The following CHRM3 variants were observed in gnomAD, a reference collection of about 807,000 sequenced individuals.
CHRM3 encodes the protein cholinergic receptor muscarinic 3.
In CHRM3, 11 loss-of-function variants were observed where a neutral mutation model predicts 41.8. The ratio of observed to expected loss-of-function variants is 0.26; its 90% CI spans 0.17 to 0.44. The LOEUF (loss-of-function observed/expected upper bound fraction) is 0.44. Ranked by LOEUF, CHRM3 falls within the 20% of genes least tolerant of loss-of-function variation. The probability of loss-of-function intolerance (pLI) is 1.00; values close to 1 mark genes in which losing one functional copy is unlikely to be tolerated. For synonymous variants in CHRM3, 297 were observed against 301.4 expected (o/e 0.99, Z 0.15); for missense variants, 571 against 745.4 (o/e 0.77, Z 2.72).
At chr1:239,779,485 A>G (rs1422731913) in intron 5 of CHRM3, among the ~76,000 whole-genome samples, 3 of 152,214 alleles carry the variant, frequency 2.0e-5, no homozygotes, top group Non-Finnish European at 4.4e-5. Flanking sequence ...TTTAATCCCA[A>G]CACTTCGGGA....
intron 6 of CHRM3, among the ~76,000 whole-genome samples, chr1:239,905,561 C>A (rs1679904663): frequency 6.6e-6 from 1 of 151,976 alleles, no homozygotes; most frequent in African/African-American, 2.4e-5. Context: ...CAAAAATTAG[C>A]CAGGCAAGGT....
Position 239,529,630 on chromosome 1 carries a change from AAC to A in CHRM3, c.-421-16009_-421-16008del, listed in dbSNP as rs1467760519. Among the ~76,000 whole-genome samples, 194 of 45,508 alleles carry A rather than the reference AAC, an allele frequency of 4.3e-3. 3 individuals carry two copies. The highest frequency in any genetic ancestry group is 9.9e-3 in the African/African-American group (182 of 18,450). 29.9% of individuals were successfully genotyped at this position (45,508 alleles called of 152,430 possible). ...GTCTCAAAAAAAAAAAAAAAAAAAA[AAC>A]AAACAAACAACAACAATAACAACAA... On this transcript the variant is annotated intron_variant, in intron 2 of 6. Coordinates refer to ENST00000676153, the MANE Select transcript of CHRM3 (RefSeq NM_001375978.1).
At chr1:239,556,255 ATGTAAAAATCAATGCTTAATACACACG>A (rs780084846) in intron 3 of CHRM3, among the ~76,000 whole-genome samples, 1 of 152,156 alleles carries the variant, frequency 6.6e-6, no homozygotes, top group Non-Finnish European at 1.5e-5. Context: ...CTTGCCATTG[ATGTAAAAATCAATGCTTAATACACACG>A]TGAGCCACAG....
chr1:239,508,003 A>C (rs1020003505), intron 2 of CHRM3, among the ~76,000 whole-genome samples: 32 of 152,232 alleles, frequency 2.1e-4, no homozygotes, highest in African/African-American at 7.7e-4. Context: ...AGAGCTATGG[A>C]GCCTGAGGCA....
chr1:239,408,534 A>AC lies in CHRM3; in HGVS notation c.-521+21307_-521+21308insC, dbSNP rs1553294738. 1.0e-3 allele frequency among the ~76,000 whole-genome samples: 155 copies of AC among 150,628 alleles called. 1 individual carries two copies. Among genetic ancestry groups the AC allele is most frequent in the Middle Eastern group, 3.4e-3 (1 of 294 alleles). On this transcript the variant is annotated intron_variant, in intron 1 of 6. Transcript: ENST00000676153. ...GAGAGACTCCGTCAAAAAAAAAAAAAAAAAAAAAAACTCTCTCCTTTATAA... is the reference window on the plus strand; with the variant it reads ...GAGAGACTCCGTCAAAAAAAAAAAAACAAAAAAAAAACTCTCTCCTTTATAA...
intron 3 of CHRM3, among the ~76,000 whole-genome samples, chr1:239,605,460 C>T (rs924027566): frequency 6.6e-6 from 1 of 152,016 alleles, no homozygotes; most frequent in African/African-American, 2.4e-5. Flanking sequence ...TACAATGTTC[C>T]CATAAAGAGG....
intron 2 of CHRM3, among the ~76,000 whole-genome samples, chr1:239,535,238 G>T (rs140485022): frequency 6.6e-6 from 1 of 152,184 alleles, no homozygotes; most frequent in African/African-American, 2.4e-5. Context: ...GCCCACACTG[G>T]CCCAGAATCC....
At chr1:239,669,833 A>G (rs930670055) in intron 4 of CHRM3, among the ~76,000 whole-genome samples, 8 of 152,182 alleles carry the variant, frequency 5.3e-5, no homozygotes, top group Admixed American at 3.9e-4. Context: ...ACTATAATCA[A>G]CCCACTATAC....
At chr1:239,743,168 A>G (rs1665010826) in intron 5 of CHRM3, among the ~76,000 whole-genome samples, 2 of 152,256 alleles carry the variant, frequency 1.3e-5, no homozygotes, top group South Asian at 4.1e-4. Flanking sequence ...ACTTAAACCC[A>G]AAATTGAAAT....
chr1:239,428,695 T>C (rs1339465953), intron 1 of CHRM3, among the ~76,000 whole-genome samples: 1 of 152,226 alleles, frequency 6.6e-6, no homozygotes, highest in Non-Finnish European at 1.5e-5. Context: ...GTTTGTTTTT[T>C]CCCATACAAA....
intron 4 of CHRM3, among the ~76,000 whole-genome samples, chr1:239,643,193 G>T (rs1354537108): frequency 6.6e-6 from 1 of 152,172 alleles, no homozygotes; most frequent in Non-Finnish European, 1.5e-5. Context: ...GTGCCTCCCA[G>T]TTAGGCTGCT....
chr1:239,861,913 T>G (rs1675675252), intron 6 of CHRM3, among the ~76,000 whole-genome samples: 1 of 152,136 alleles, frequency 6.6e-6, no homozygotes, highest in South Asian at 2.1e-4. Flanking sequence ...ATAAACAAAT[T>G]TGCAGATGAA....
At chr1:239,620,579 A>C (rs1181978591) in intron 3 of CHRM3, among the ~76,000 whole-genome samples, 1 of 152,134 alleles carries the variant, frequency 6.6e-6, no homozygotes, top group African/African-American at 2.4e-5. Flanking sequence ...CTGTTTTGGT[A>C]AGTAATCTAG....
At chr1:239,865,403 A>T (rs180706112) in intron 6 of CHRM3, among the ~76,000 whole-genome samples, 1 of 152,388 alleles carries the variant, frequency 6.6e-6, no homozygotes, top group Admixed American at 6.5e-5. Context: ...ATTTTGAACC[A>T]TAAGAATGTG....
At chr1:239,549,265 T>A (rs1659582090) in intron 3 of CHRM3, among the ~76,000 whole-genome samples, 1 of 152,040 alleles carries the variant, frequency 6.6e-6, no homozygotes, top group East Asian at 1.9e-4. Flanking sequence ...ACAGACAGAT[T>A]TTTGTGGATT....
At chr1:239,465,016 C>A (rs1572392906) in intron 1 of CHRM3, among the ~76,000 whole-genome samples, 1 of 152,108 alleles carries the variant, frequency 6.6e-6, no homozygotes, top group Admixed American at 6.5e-5. Context: ...AAAATCTGTG[C>A]CTCCCATTTG....
Position 239,908,501 on chromosome 1 carries a change from C to T in CHRM3, c.1050C>T (p.Ala350=), listed in dbSNP as rs2103051978. The T allele has an allele frequency of 1.9e-6, 3 of 1,603,432 alleles. No individual in the cohort carries two copies. Among genetic ancestry groups the T allele is most frequent in the East Asian group, 2.2e-5 (1 of 44,542 alleles). The change falls in exon 7 of 7, where the codon GCC becomes GCT. Residue 350 remains alanine, a synonymous_variant. Coordinates refer to ENST00000676153, the MANE Select transcript of CHRM3 (RefSeq NM_001375978.1). The surrounding 1 kb of genome is among the most constrained non-coding windows in gnomAD (Gnocchi z 7.2). ...CTGCTGCCTCCCTGGAGAACTCCGC[C>T]TCCTCCGACGAGGAGGACATTGGCT... is the stretch of plus-strand genomic sequence containing the variant. ...NDAAASLENS[A]SSDEEDIGSE... is the part of the protein sequence containing the mutation.
At chr1:239,539,695 T>G (rs1484787398) in intron 2 of CHRM3, among the ~76,000 whole-genome samples, 1 of 152,170 alleles carries the variant, frequency 6.6e-6, no homozygotes, top group Non-Finnish European at 1.5e-5. Context: ...AGGGGCCCCA[T>G]CTTGGCTCAC....
intron 3 of CHRM3, among the ~76,000 whole-genome samples, chr1:239,567,028 A>G (rs1661419656): frequency 6.6e-6 from 1 of 152,228 alleles, no homozygotes; most frequent in Admixed American, 6.5e-5. Flanking sequence ...TGAATGGAGC[A>G]ATCATAGATT....
Sources: allele counts gnomAD v4.1 joint callset (sites outside exome capture counted in the v4.1 genomes callset), GRCh38; gene constraint gnomAD v4.1.1; non-coding constraint Gnocchi (gnomAD v3.1); transcripts MANE v1.5; gene names NCBI Gene and HGNC (gene_info 2026-07-23, HGNC 2026-07-21).